The following DLG2 variants were observed in gnomAD, a reference collection of about 807,000 sequenced individuals.
DLG2 encodes disks large homolog 2.
Under a neutral mutation model 132.5 loss-of-function variants are expected in DLG2, and 45 were observed. The observed-to-expected ratio is 0.34, with a 90% CI of 0.27 to 0.44. DLG2 has a LOEUF of 0.44. Ranked by LOEUF, DLG2 falls within the 20% of genes least tolerant of loss-of-function variation. DLG2 has a pLI of 1.00. For missense variants in DLG2, 1,045 were observed against 1,196.9 expected (o/e 0.87, Z 1.87); for synonymous variants, 424 against 419.6 (o/e 1.01, Z -0.13).
At chr11:85,562,264 T>C (rs1252256426) in intron 3 of DLG2, among the ~76,000 whole-genome samples, 6 of 151,720 alleles carry the variant, frequency 4.0e-5, no homozygotes, top group Non-Finnish European at 3.0e-5. Flanking sequence ...TAGAACTACT[T>C]TCACCCTAGA....
intron 7 of DLG2, among the ~76,000 whole-genome samples, chr11:84,414,785 C>T (rs2098923286): frequency 6.6e-6 from 1 of 152,074 alleles, no homozygotes; most frequent in African/African-American, 2.4e-5. Context: ...GTTTTAATGC[C>T]TTAATTAATT....
At chr11:84,924,452 C>T (rs2092902312) in intron 6 of DLG2, among the ~76,000 whole-genome samples, 1 of 152,162 alleles carries the variant, frequency 6.6e-6, no homozygotes, top group African/African-American at 2.4e-5. Context: ...CTTTAATATG[C>T]TTTGCATAAG....
intron 7 of DLG2, among the ~76,000 whole-genome samples, chr11:84,435,252 C>A (rs2098997136): frequency 6.6e-6 from 1 of 152,088 alleles, no homozygotes; most frequent in Admixed American, 6.6e-5. Context: ...AAAGTACATA[C>A]TGAACCCTTA....
chr11:85,050,337 C>A (rs994757758), intron 6 of DLG2, among the ~76,000 whole-genome samples: 3 of 151,998 alleles, frequency 2.0e-5, no homozygotes, highest in Non-Finnish European at 4.4e-5. Flanking sequence ...AAAAAGAATC[C>A]TTTCTAAAAG....
chr11:84,466,394 C>A (rs2099094446), intron 7 of DLG2, among the ~76,000 whole-genome samples: 1 of 151,128 alleles, frequency 6.6e-6, no homozygotes, highest in African/African-American at 2.4e-5. Flanking sequence ...ATATCACAAA[C>A]ACAAAGATCT....
intron 6 of DLG2, among the ~76,000 whole-genome samples, chr11:84,612,911 C>CA (rs1248581350): frequency 6.6e-6 from 1 of 152,056 alleles, no homozygotes; most frequent in Non-Finnish European, 1.5e-5. Flanking sequence ...GTCCACCTCA[C>CA]AAAAAAGATT....
intron 6 of DLG2, among the ~76,000 whole-genome samples, chr11:84,547,245 A>G (rs1045388449): frequency 6.6e-6 from 1 of 152,182 alleles, no homozygotes; most frequent in East Asian, 1.9e-4. Context: ...AAATTGGAAG[A>G]ATAGAAAAAA....
intron 6 of DLG2, among the ~76,000 whole-genome samples, chr11:84,740,978 C>T (rs1369096647): frequency 2.6e-5 from 4 of 151,704 alleles, no homozygotes; most frequent in Non-Finnish European, 2.9e-5. Context: ...CACCCAAAAT[C>T]AGGGCATGAG....
intron 3 of DLG2, among the ~76,000 whole-genome samples, chr11:85,576,768 AATAAAT>A (rs1170244021): frequency 6.6e-6 from 1 of 152,188 alleles, no homozygotes; most frequent in African/African-American, 2.4e-5. Flanking sequence ...ACACATCACA[AATAAAT>A]ATAAATATAT....
chr11:85,055,584 A>AG (rs1173854582), intron 6 of DLG2, among the ~76,000 whole-genome samples: 3 of 152,182 alleles, frequency 2.0e-5, no homozygotes, highest in African/African-American at 7.2e-5. Flanking sequence ...AGGGTTGAAA[A>AG]GGACTCTATG....
intron 21 of DLG2, among the ~76,000 whole-genome samples, chr11:83,526,081 T>C (rs2095602239): frequency 6.6e-6 from 1 of 152,180 alleles, no homozygotes; most frequent in Non-Finnish European, 1.5e-5. Context: ...CAGTTTGATT[T>C]TGGGAGTTTG....
chr11:85,491,130 C>T lies in DLG2; in HGVS notation c.40+107527G>A, dbSNP rs184491793. 1.6e-4 allele frequency among the ~76,000 whole-genome samples: 25 copies of T among 152,052 alleles called. No homozygotes were observed. The East Asian group carries it at 2.1e-3, about 13-fold the overall frequency. ...AATGAATTTTATACTAGAGATGCAA[C>T]AAACGTGATACCTTATATAAACAGA... On this transcript the variant is annotated intron_variant, in intron 3 of 27. Transcript: ENST00000376104.
intron 6 of DLG2, among the ~76,000 whole-genome samples, chr11:84,819,843 G>A (rs769265592): frequency 5.9e-5 from 9 of 151,814 alleles, no homozygotes; most frequent in Non-Finnish European, 1.2e-4. Flanking sequence ...ATACAGCCAT[G>A]AGGAGAAACC....
intron 6 of DLG2, among the ~76,000 whole-genome samples, chr11:84,806,620 A>C (rs1419146350): frequency 6.6e-6 from 1 of 152,242 alleles, no homozygotes; most frequent in Non-Finnish European, 1.5e-5. Context: ...AATTTAAGAC[A>C]TTCTCAGATA....
chr11:84,998,200 C>T lies in DLG2; in HGVS notation c.357+113461G>A, dbSNP rs374581109. 1.5e-4 allele frequency among the ~76,000 whole-genome samples: 23 copies of T among 152,074 alleles called. No homozygotes were observed. The East Asian group carries it at 2.5e-3, about 17-fold the overall frequency. On this transcript the variant is annotated intron_variant, in intron 6 of 27. Transcript: ENST00000376104. ...ATAGGGTTTGGCTCTGTTTCCTCAC[C>T]CAAATCTCACCTTGAATTGTAATCC...
chr11:83,618,246 G>A (rs1189005669), intron 19 of DLG2, among the ~76,000 whole-genome samples: 4 of 151,984 alleles, frequency 2.6e-5, no homozygotes, highest in Non-Finnish European at 5.9e-5. Flanking sequence ...GGGAAATACA[G>A]TCATCTAATA....
intron 19 of DLG2, among the ~76,000 whole-genome samples, chr11:83,594,376 G>T (rs1224443695): frequency 6.6e-6 from 1 of 152,180 alleles, no homozygotes; most frequent in Non-Finnish European, 1.5e-5. Flanking sequence ...AAGGATTGTT[G>T]CATTTAAGAA....
At chr11:84,665,165 G>A (rs949899133) in intron 6 of DLG2, among the ~76,000 whole-genome samples, 2 of 152,072 alleles carry the variant, frequency 1.3e-5, no homozygotes, top group Non-Finnish European at 2.9e-5. Flanking sequence ...AGATTTGTAA[G>A]TGCTGAAATT....
chr11:83,657,235 G>T (rs2072772414), intron 18 of DLG2, among the ~76,000 whole-genome samples: 1 of 152,114 alleles, frequency 6.6e-6, no homozygotes, highest in Non-Finnish European at 1.5e-5. Flanking sequence ...CAAAACAACA[G>T]ACCTCTTGAA....
Sources: allele counts gnomAD v4.1 joint callset (sites outside exome capture counted in the v4.1 genomes callset), GRCh38; gene constraint gnomAD v4.1.1; transcripts MANE v1.5; gene names NCBI Gene and HGNC (gene_info 2026-07-23, HGNC 2026-07-21).